Variants in ABCB1 observed in about 807,000 individuals in gnomAD.
ABCB1 encodes the protein ATP-dependent translocase ABCB1.
ABCB1 carries 69 observed loss-of-function variants against 142.0 expected under a neutral mutation model. That is an observed-to-expected ratio of 0.49 (90% CI 0.40 to 0.59). The LOEUF is 0.59. Ranked by LOEUF, ABCB1 falls within the 20% of genes least tolerant of loss-of-function variation. The pLI is 0.00. For missense variants in ABCB1, 1,326 were observed against 1,554.7 expected, an observed-to-expected ratio of 0.85 and a Z score of 2.47; for synonymous variants, 532 against 539.2, an observed-to-expected ratio of 0.99 and a Z score of 0.18.
At chr7:87,604,625 G>GA (rs1228931489), upstream of ABCB1, among the ~76,000 whole-genome samples, 5 of 151,038 alleles carry the variant, frequency 3.3e-5, no homozygotes, top group East Asian at 1.9e-4. Context: ...CACCTGCATT[G>GA]AAAAAAAAAT....
At position 87,566,224 on chromosome 7, in the gene ABCB1, T is replaced by C. The variant is rs60419673; in HGVS notation, c.548A>G (p.Asn183Ser). 3,226 of 1,614,054 alleles carry C rather than the reference T, an allele frequency of 2.0e-3. 24 individuals carry two copies. Among genetic ancestry groups the C allele is most frequent in the South Asian group, 0.013 (1,141 of 91,086 alleles). Reference protein sequence around the residue: ...TRLTDDVSKINEGIGDKIGMF... With the variant: ...TRLTDDVSKISEGIGDKIGMF... ...TCCAATTTTGTCACCAATTCCTTCATTAATCTTGGAGACATCACTGAAAGA... is the reference window on the plus strand; with the variant it reads ...TCCAATTTTGTCACCAATTCCTTCACTAATCTTGGAGACATCACTGAAAGA... Residue 183 changes from asparagine (N) to serine (S), a missense_variant, in exon 7 of 28, where the codon AAT becomes AGT. Coordinates refer to ENST00000622132, the MANE Select transcript of ABCB1 (RefSeq NM_001348946.2).
chr7:87,517,754 C>T (rs564170015), intron 23 of ABCB1, among the ~76,000 whole-genome samples: 5 of 152,294 alleles, frequency 3.3e-5, no homozygotes, highest in South Asian at 2.1e-4. Flanking sequence ...GATGCATTGA[C>T]GTTCTTATCT....
chr7:87,552,711 G>GA (rs68010470), intron 9 of ABCB1, among the ~76,000 whole-genome samples: 54,511 of 140,626 alleles, frequency 0.39, 10,757 homozygotes, highest in African/African-American at 0.44. Flanking sequence ...AGGCAAATTT[G>GA]AAAAAAAAAG....
chr7:87,589,652 G>T (rs1455997468), intron 3 of ABCB1, among the ~76,000 whole-genome samples: 1 of 152,000 alleles, frequency 6.6e-6, no homozygotes, highest in Non-Finnish European at 1.5e-5. Context: ...GGGTGTGATG[G>T]CATGTGCCTG....
At chr7:87,546,729 C>T (rs145612977) in intron 14 of ABCB1, among the ~76,000 whole-genome samples, 2 of 152,172 alleles carry the variant, frequency 1.3e-5, no homozygotes, top group African/African-American at 4.8e-5. Flanking sequence ...CCCGCATGAC[C>T]CCCTGGATGA....
At chr7:87,696,028 C>T (rs965605416) in intron 1 of ABCB1, among the ~76,000 whole-genome samples, 2 of 152,060 alleles carry the variant, frequency 1.3e-5, no homozygotes, top group African/African-American at 4.8e-5. Flanking sequence ...CCATTTGTTT[C>T]TGTGCCTAAA....
chr7:87,691,186 C>G (rs1827983940), intron 1 of ABCB1, among the ~76,000 whole-genome samples: 1 of 152,006 alleles, frequency 6.6e-6, no homozygotes, highest in Non-Finnish European at 1.5e-5. Context: ...GGCCAATAGT[C>G]TTTTCTGTGT....
At chr7:87,629,538 T>C (rs1360949995) in intron 1 of ABCB1, among the ~76,000 whole-genome samples, 1 of 152,200 alleles carries the variant, frequency 6.6e-6, no homozygotes, top group Admixed American at 6.5e-5. Flanking sequence ...ACCTAGTCTT[T>C]ATGTCAATGA....
intron 18 of ABCB1, among the ~76,000 whole-genome samples, chr7:87,540,343 AG>A (rs1816484375): frequency 6.6e-6 from 1 of 152,254 alleles, no homozygotes. Flanking sequence ...AGGCTTAGAC[AG>A]TTTACTTATG....
chr7:87,515,092 A>G lies in ABCB1; in HGVS notation c.3282+139T>C, dbSNP rs1322374684. 5 of 1,140,778 alleles carry G rather than the reference A, an allele frequency of 4.4e-6. No individual in the cohort carries two copies. The African/African-American group carries it at 6.1e-5, about 14-fold the overall frequency. 70.7% of individuals were successfully genotyped at this position (1,140,778 alleles called of 1,614,324 possible). On this transcript the variant is annotated intron_variant, in intron 25 of 27. Transcript: ENST00000622132. ...ACAGATGACACCACTTGGAGACCATATTTAGGCTCTCAGACTTTATCCAAG... is the reference window on the plus strand; with the variant it reads ...ACAGATGACACCACTTGGAGACCATGTTTAGGCTCTCAGACTTTATCCAAG...
chr7:87,626,198 A>ATG (rs1554444125), intron 1 of ABCB1, among the ~76,000 whole-genome samples: 2 of 12,954 alleles, frequency 1.5e-4, no homozygotes, highest in Admixed American at 1.9e-3. Flanking sequence ...TGTCATATAT[A>ATG]TGTCATATAT....
At chr7:87,644,429 T>C (rs1025184430) in intron 1 of ABCB1, among the ~76,000 whole-genome samples, 3 of 152,252 alleles carry the variant, frequency 2.0e-5, no homozygotes, top group African/African-American at 4.8e-5. Flanking sequence ...TAATAAGGAA[T>C]ATTGTAAATT....
chr7:87,511,558 A>T (rs1052901239), intron 25 of ABCB1, among the ~76,000 whole-genome samples: 7 of 152,232 alleles, frequency 4.6e-5, no homozygotes, highest in Admixed American at 4.6e-4. Flanking sequence ...AGCATGTCTC[A>T]TACAGTCTCT....
chr7:87,571,181 T>C (rs1442586075), intron 4 of ABCB1, among the ~76,000 whole-genome samples: 1 of 152,208 alleles, frequency 6.6e-6, no homozygotes. Context: ...AAACTATTTC[T>C]AGCAAAGTGA....
rs1817012772 is a variant in ABCB1, at chr7:87,550,560, A to G, written c.1132T>C (p.Tyr378His). 1.2e-6 allele frequency: 2 copies of G among 1,613,392 alleles called. No individual in the cohort carries two copies. Among genetic ancestry groups the G allele is most frequent in the African/African-American group, 2.7e-5 (2 of 74,944 alleles). The change falls in exon 11 of 28, where the codon TAT becomes CAT. Residue 378 changes from tyrosine to histidine, a missense_variant. Coordinates refer to ENST00000622132, the MANE Select transcript of ABCB1 (RefSeq NM_001348946.2). ...IIDNKPSIDSYSKSGHKPDNI... is the reference protein window; with the variant it reads ...IIDNKPSIDSHSKSGHKPDNI... ...TCTGGTTTGTGCCCACTCTTCGAATAGCTGTCAATACTTGGCTTCTAAACA... is the reference window on the plus strand; with the variant it reads ...TCTGGTTTGTGCCCACTCTTCGAATGGCTGTCAATACTTGGCTTCTAAACA...
At position 87,504,302 on chromosome 7, in the gene ABCB1, C is replaced by T. The variant is rs1814619290; in HGVS notation, c.3784G>A (p.Ala1262Thr). The T allele has an allele frequency of 6.2e-7, 1 of 1,614,034 alleles. No individual in the cohort carries two copies. Among genetic ancestry groups the T allele is most frequent in the East Asian group, 2.2e-5 (1 of 44,888 alleles). Residue 1262 changes from alanine to threonine, a missense_variant, in exon 28 of 28, where the codon GCA (alanine) becomes ACA (threonine). Coordinates refer to ENST00000622132, the MANE Select transcript of ABCB1 (RefSeq NM_001348946.2). ...KEHGTHQQLL[A>T]QKGIYFSMVS... ...ATTGAAAAATAGATGCCTTTCTGTG[C>T]CAGCAGCTGCTGATGCGTGCCATGC...
At chr7:87,584,940 T>C (rs2129921864) in intron 4 of ABCB1, among the ~76,000 whole-genome samples, 1 of 150,474 alleles carries the variant, frequency 6.6e-6, no homozygotes. Flanking sequence ...TTATTTATCC[T>C]ATCCTAAAAT....
intron 1 of ABCB1, among the ~76,000 whole-genome samples, chr7:87,700,137 G>C (rs1303026697): frequency 6.6e-6 from 1 of 152,006 alleles, no homozygotes; most frequent in African/African-American, 2.4e-5. Flanking sequence ...ATGTTAAATG[G>C]CAAGATATTT....
chr7:87,693,536 G>A (rs1828205529), intron 1 of ABCB1, among the ~76,000 whole-genome samples: 2 of 152,090 alleles, frequency 1.3e-5, no homozygotes, highest in South Asian at 4.1e-4. Context: ...TAAGTTCTGA[G>A]GTGCATCGCC....
Sources: allele counts gnomAD v4.1 joint callset (sites outside exome capture counted in the v4.1 genomes callset), GRCh38; gene constraint gnomAD v4.1.1; transcripts MANE v1.5; gene names NCBI Gene and HGNC (gene_info 2026-07-23, HGNC 2026-07-21).